FAN1: variants seen among roughly 807,000 people sequenced by gnomAD.
FAN1 encodes FANCD2 and FANCI associated nuclease 1.
FAN1 carries 91 observed loss-of-function variants against 104.9 expected under a neutral mutation model. That is an observed-to-expected ratio of 0.87 (90% confidence interval 0.73 to 1.03). The LOEUF (loss-of-function observed/expected upper bound fraction) is 1.03, where lower values mean the gene tolerates loss of function less well. FAN1 is among the 50% of genes least tolerant of loss of function. FAN1 has a pLI of 0.00. For missense variants in FAN1, 1,263 were observed against 1,239.9 expected (o/e 1.02, Z -0.28); for synonymous variants, 478 against 457.6 (o/e 1.04, Z -0.57).
chr15:30,911,413 A>T (rs1284142622), intron 4 of FAN1: 2 of 984,086 alleles, frequency 2.0e-6, no homozygotes, highest in African/African-American at 3.5e-5. Context: ...TTTTGAAAAC[A>T]CTTTAACATG....
At chr15:30,911,735 T>C (rs2062105208) in intron 4 of FAN1, 4 of 958,604 alleles carry the variant, frequency 4.2e-6, no homozygotes, top group Non-Finnish European at 2.5e-6. Flanking sequence ...GTTAACCTTA[T>C]ATGTAACATT....
intron 5 of FAN1, 59 bp downstream of exon 5, chr15:30,914,150 G>A (rs1023301593): frequency 7.7e-7 from 1 of 1,300,874 alleles, no homozygotes; most frequent in East Asian, 2.3e-5. Context: ...TTAGTAAAAG[G>A]TTTTGTTATT....
chr15:30,939,509 CATGAT>C (rs2062966381), intron 14 of FAN1: 2 of 981,646 alleles, frequency 2.0e-6, no homozygotes, highest in South Asian at 4.7e-5. Flanking sequence ...GCACAATAAT[CATGAT>C]ATAACAACTG....
chr15:30,941,060 C>T (rs2063030607), intron 14 of FAN1: 2 of 1,191,970 alleles, frequency 1.7e-6, no homozygotes, highest in Admixed American at 3.8e-5. Context: ...TTCCTAAAAC[C>T]TGCTGGAGGT....
At chr15:30,932,652 C>T (rs2062743454) in intron 13 of FAN1, among the ~76,000 whole-genome samples, 1 of 150,986 alleles carries the variant, frequency 6.6e-6, no homozygotes, top group Admixed American at 6.6e-5. Context: ...TAGTTTGTGT[C>T]TTTCAAGGAA....
chr15:30,925,325 G>C (rs1204629862), intron 9 of FAN1, 34 bp downstream of exon 9: 9 of 1,595,116 alleles, frequency 5.6e-6, no homozygotes, highest in Non-Finnish European at 7.7e-6. Flanking sequence ...TTTGGACTTA[G>C]GCGCGTGTAC....
rs772153032 is a variant in FAN1 at position 30,942,086 on chromosome 15, A to AT, written c.*528dup. Reference sequence around the variant, plus strand: ...GCTGTAGCTTTTCTATACAGAAGAGATTTTATTATGTTCCGGGGATTCCCT... The same window carrying AT: ...GCTGTAGCTTTTCTATACAGAAGAGATTTTTATTATGTTCCGGGGATTCCCT... On this transcript the variant is annotated 3_prime_UTR_variant, in exon 15 of 15. Transcript: ENST00000362065. 1 of 1,603,520 alleles carries AT rather than the reference A, an allele frequency of 6.2e-7. No individual in the cohort carries two copies. The highest frequency in any genetic ancestry group is 8.5e-7 in the Non-Finnish European group (1 of 1,173,444).
At chr15:30,911,347 T>G (rs2062097349) in intron 4 of FAN1, 1 of 985,038 alleles carries the variant, frequency 1.0e-6, no homozygotes, top group African/African-American at 1.7e-5. Context: ...TCAAACTATA[T>G]CAACTCTAGC....
At chr15:30,940,535 A>AAAT (rs2063008780) in intron 14 of FAN1, 4 of 985,416 alleles carry the variant, frequency 4.1e-6, no homozygotes, top group Middle Eastern at 5.2e-4. Flanking sequence ...ACCACACTGG[A>AAAT]AATACTGATG....
intron 5 of FAN1, among the ~76,000 whole-genome samples, chr15:30,916,201 C>T (rs570219910): frequency 7.9e-5 from 12 of 152,184 alleles, no homozygotes; most frequent in Non-Finnish European, 1.5e-4. Flanking sequence ...ACTGGCTTTA[C>T]GCTTTTCTGG....
chr15:30,925,207 G>A lies in FAN1; in HGVS notation c.2253G>A (p.Val751=), dbSNP rs780368860. ...GHRLSLYQRA[V]RLRESPSCKK... is the part of the protein sequence containing the mutation. ...GCCTTTCACTGTATCAGCGAGCCGT[G>A]CGCCTGCGAGAGTCTCCGAGCTGTA... The change falls in exon 9 of 15, where the codon GTG becomes GTA. Residue 751 remains valine (V), a synonymous_variant. Coordinates refer to ENST00000362065, the MANE Select transcript of FAN1 (RefSeq NM_014967.5). 2 of 1,614,070 alleles carry A rather than the reference G, an allele frequency of 1.2e-6. No homozygotes were observed. Among genetic ancestry groups the A allele is most frequent in the East Asian group, 2.2e-5 (1 of 44,880 alleles).
chr15:30,915,534 T>C (rs2062181847), intron 5 of FAN1, among the ~76,000 whole-genome samples: 1 of 151,732 alleles, frequency 6.6e-6, no homozygotes, highest in Non-Finnish European at 1.5e-5. Context: ...CTCGGGAGGC[T>C]GGGGCAGGAG....
chr15:30,904,877 G>C lies in FAN1; in HGVS notation c.214G>C (p.Val72Leu). The change falls in exon 2 of 15, where the codon GTG (valine) becomes CTG (leucine). Residue 72 changes from valine (V) to leucine (L), a missense_variant. Physicochemically the swap from Val to Leu is conservative, Grantham distance 32. Coordinates refer to ENST00000362065, the MANE Select transcript of FAN1 (RefSeq NM_014967.5). ...EMCANNDFVQ[V>L]DPGQVGLINS... is the part of the protein sequence containing the mutation. ...GTGTGCTAACAATGACTTCGTTCAA[G>C]TGGATCCAGGGCAGGTTGGCTTAAT... 1 of 1,613,764 alleles carries C rather than the reference G, an allele frequency of 6.2e-7. No homozygotes were observed. Among genetic ancestry groups the C allele is most frequent in the East Asian group, 2.2e-5 (1 of 44,888 alleles).
intron 7 of FAN1, among the ~76,000 whole-genome samples, chr15:30,920,900 C>G (rs1459260322): frequency 6.6e-6 from 1 of 152,226 alleles, no homozygotes; most frequent in Non-Finnish European, 1.5e-5. Flanking sequence ...CCTCTCACCT[C>G]AGCCTCCTGA....
At chr15:30,941,528 T>A in intron 14 of FAN1, 38 bp from the exon 15 acceptor site, 1 of 1,610,478 alleles carries the variant, frequency 6.2e-7, no homozygotes, top group Non-Finnish European at 8.5e-7. Flanking sequence ...ACTTAAAAAT[T>A]TGCTTAATGG....
In FAN1 at chr15:30,930,544, A is replaced by G; in HGVS notation, c.2789A>G (p.Asp930Gly). Reference protein sequence around the residue: ...DRFTSLQQAQDLVSCLGGPVL... With the variant: ...DRFTSLQQAQGLVSCLGGPVL... ...AACTGTCCTGTGTTTTGTGTTCAGG[A>G]TCTTGTCTCCTGCCTGGGGGGCCCT... The change falls in exon 13 of 15, where the codon GAT (aspartate) becomes GGT (glycine). Residue 930 changes from aspartate (D) to glycine (G), a missense_variant and splice_region_variant. Around this residue, in one of 2 missense-constraint regions of FAN1, gnomAD observed 581 missense variants for 668.8 expected, o/e 0.87. Coordinates refer to ENST00000362065, the MANE Select transcript of FAN1 (RefSeq NM_014967.5). The G allele has an allele frequency of 6.3e-7, 1 of 1,593,172 alleles. No individual in the cohort carries two copies. The highest frequency in any genetic ancestry group is 8.5e-7 in the Non-Finnish European group (1 of 1,174,248).
In FAN1 at chr15:30,925,958, T is replaced by G. The variant is rs2062451953; in HGVS notation, c.2488+19T>G. On this transcript the variant is annotated intron_variant, in intron 10 of 14. Transcript: ENST00000362065. ...GACCAGGGTAACTGAGCAGGCTTTC[T>G]CTTGTGGCACCCAGCCCCGGGTGGA... The G allele has an allele frequency of 6.2e-7, 1 of 1,613,330 alleles. No homozygotes were observed. The highest frequency in any genetic ancestry group is 1.3e-5 in the African/African-American group (1 of 74,932).
At chr15:30,941,404 T>G (rs547375227) in intron 14 of FAN1, 162 bp from the exon 15 acceptor site, 1 of 1,560,180 alleles carries the variant, frequency 6.4e-7, no homozygotes, top group Non-Finnish European at 8.7e-7. Context: ...ACGCCTAGGT[T>G]AGCAATGTTA....
chr15:30,918,779 T>C (rs2062248217), intron 6 of FAN1, among the ~76,000 whole-genome samples: 1 of 152,264 alleles, frequency 6.6e-6, no homozygotes, highest in Non-Finnish European at 1.5e-5. Context: ...TCAATATTTA[T>C]TAAGACATTT....
Sources: gnomAD v4.1 joint callset for allele counts (sites outside exome capture counted in the v4.1 genomes callset) on GRCh38, gnomAD v4.1.1 for gene constraint, gnomAD v4.1.1 regional missense constraint, MANE v1.5 for transcripts, NCBI Gene and HGNC (gene_info 2026-07-23, HGNC 2026-07-21) for gene names.